Variants in GALNTL6 observed in about 807,000 individuals in gnomAD.
GALNTL6 encodes polypeptide N-acetylgalactosaminyltransferase like 6.
Under a neutral mutation model 73.7 loss-of-function variants are expected in GALNTL6, and 46 were observed. That is an observed-to-expected ratio of 0.62 (90% CI 0.49 to 0.80). GALNTL6 has a LOEUF of 0.80. GALNTL6 is among the 30% of genes least tolerant of loss of function. The pLI, the probability that GALNTL6 is intolerant of heterozygous loss-of-function variation, is 0.00. For missense variants in GALNTL6, 604 were observed against 755.0 expected, an observed-to-expected ratio of 0.80 and a Z score of 2.34; for synonymous variants, 259 against 263.7, an observed-to-expected ratio of 0.98 and a Z score of 0.17.
At chr4:172,895,561 C>T (rs1746281666) in intron 8 of GALNTL6, among the ~76,000 whole-genome samples, 1 of 151,718 alleles carries the variant, frequency 6.6e-6, no homozygotes, top group Non-Finnish European at 1.5e-5. Context: ...TGCCTTTTAC[C>T]TTTGTGAGTT....
At chr4:172,051,263 T>C (rs767072802) in intron 2 of GALNTL6, among the ~76,000 whole-genome samples, 4 of 152,066 alleles carry the variant, frequency 2.6e-5, no homozygotes, top group African/African-American at 4.8e-5. Flanking sequence ...TAGGGGTGGG[T>C]ACCTATGATT....
At chr4:172,088,991 C>T (rs190247886) in intron 2 of GALNTL6, among the ~76,000 whole-genome samples, 4 of 152,168 alleles carry the variant, frequency 2.6e-5, no homozygotes, top group East Asian at 1.9e-4. Context: ...AATCAAGTGG[C>T]GTGAGACCTG....
At chr4:172,012,660 G>T (rs1741052872) in intron 2 of GALNTL6, among the ~76,000 whole-genome samples, 1 of 152,032 alleles carries the variant, frequency 6.6e-6, no homozygotes, top group African/African-American at 2.4e-5. Flanking sequence ...GCATAGGCTG[G>T]TACAGGCCTT....
chr4:172,358,455 A>G (rs549418873), intron 5 of GALNTL6, among the ~76,000 whole-genome samples: 134 of 152,364 alleles, frequency 8.8e-4, no homozygotes, highest in African/African-American at 2.8e-3. Flanking sequence ...GCTGGCTTTG[A>G]ATATGACCCA....
intron 5 of GALNTL6, among the ~76,000 whole-genome samples, chr4:172,542,258 G>C (rs1347839551): frequency 1.1e-4 from 17 of 151,968 alleles, no homozygotes; most frequent in Non-Finnish European, 1.5e-5. Flanking sequence ...TAGCGCCCGG[G>C]GAAGGCTGGT....
chr4:172,255,597 C>G (rs1177435685), intron 3 of GALNTL6, among the ~76,000 whole-genome samples: 1 of 151,146 alleles, frequency 6.6e-6, no homozygotes. Context: ...GATCTTATTT[C>G]TACTCTCAAT....
chr4:173,035,384 C>T (rs1753653002), intron 12 of GALNTL6, among the ~76,000 whole-genome samples: 1 of 136,922 alleles, frequency 7.3e-6, no homozygotes, highest in Non-Finnish European at 1.6e-5. Context: ...CCCCATGTTG[C>T]TCAGGCTGGT....
rs548809091 is a variant in GALNTL6 at position 171,900,272 on chromosome 4, A to G, written c.138+85554A>G. Among the ~76,000 whole-genome samples, 35 of 152,236 alleles carry G rather than the reference A, an allele frequency of 2.3e-4. 1 individual carries two copies. Among genetic ancestry groups the G allele is most frequent in the Non-Finnish European group, 4.9e-4 (33 of 68,020 alleles). On this transcript the variant is annotated intron_variant, in intron 2 of 12. Transcript: ENST00000506823. ...TCACGCTAAAACTTTCACATATTTG[A>G]AATCATCCCACAAGTCTCATACTTA...
chr4:171,921,556 CAT>C (rs1257065421), intron 2 of GALNTL6, among the ~76,000 whole-genome samples: 7 of 152,036 alleles, frequency 4.6e-5, no homozygotes, highest in Non-Finnish European at 8.8e-5. Context: ...GTTAATGAAA[CAT>C]ATGAAAAGAT....
intron 5 of GALNTL6, among the ~76,000 whole-genome samples, chr4:172,737,841 T>A (rs1319609474): frequency 6.6e-6 from 1 of 152,206 alleles, no homozygotes; most frequent in African/African-American, 2.4e-5. Flanking sequence ...CCTAGGTTCA[T>A]CTCAGCTCTA....
chr4:172,588,851 G>A lies in GALNTL6; in HGVS notation c.554-220510G>A, dbSNP rs553024032. ...GATCCGCAGCTCTGGAAAACCACTG[G>A]ATCACTCTAGAAATAGCTCTAACCA... On this transcript the variant is annotated intron_variant, in intron 5 of 12. Transcript: ENST00000506823. Among the ~76,000 whole-genome samples the A allele has an allele frequency of 2.0e-5, 3 of 152,258 alleles. No individual in the cohort carries two copies. In the East Asian group the frequency reaches 5.8e-4, roughly 29 times the overall value.
chr4:172,779,625 A>G (rs1560947273), intron 5 of GALNTL6, among the ~76,000 whole-genome samples: 2 of 152,356 alleles, frequency 1.3e-5, no homozygotes, highest in Middle Eastern at 3.4e-3. Context: ...TCCATCACTG[A>G]AGAAAAGCAA....
chr4:172,916,762 G>A (rs955765730), intron 8 of GALNTL6, among the ~76,000 whole-genome samples: 1 of 145,272 alleles, frequency 6.9e-6, no homozygotes, highest in Non-Finnish European at 1.5e-5. Flanking sequence ...ACAAACAAAT[G>A]GAAGAACATT....
intron 7 of GALNTL6, among the ~76,000 whole-genome samples, chr4:172,840,174 G>T (rs904030972): frequency 3.0e-4 from 45 of 152,146 alleles, no homozygotes; most frequent in African/African-American, 9.4e-4. Flanking sequence ...AAATTCTAAA[G>T]ATATGAAAGT....
At chr4:172,347,988 A>G (rs1461540458) in intron 4 of GALNTL6, among the ~76,000 whole-genome samples, 1 of 152,154 alleles carries the variant, frequency 6.6e-6, no homozygotes, top group Non-Finnish European at 1.5e-5. Flanking sequence ...GGTTGTGCTC[A>G]GTTAACAGTT....
intron 5 of GALNTL6, among the ~76,000 whole-genome samples, chr4:172,500,121 T>C (rs72995074): frequency 0.041 from 6,298 of 152,226 alleles, 405 homozygotes; most frequent in African/African-American, 0.14. Flanking sequence ...CATATCATTG[T>C]TAAACTTCTG....
At chr4:172,538,592 A>T (rs186538074) in intron 5 of GALNTL6, among the ~76,000 whole-genome samples, 53 of 152,338 alleles carry the variant, frequency 3.5e-4, no homozygotes, top group African/African-American at 9.6e-4. Flanking sequence ...TGTAATTTAG[A>T]AATATCAGTG....
intron 5 of GALNTL6, among the ~76,000 whole-genome samples, chr4:172,610,220 C>T (rs935267201): frequency 1.3e-5 from 2 of 151,802 alleles, no homozygotes; most frequent in African/African-American, 4.8e-5. Flanking sequence ...TATTTCTTGT[C>T]TTCTGCTAGC....
At chr4:172,335,665 C>T (rs1741289992) in intron 4 of GALNTL6, among the ~76,000 whole-genome samples, 1 of 152,066 alleles carries the variant, frequency 6.6e-6, no homozygotes, top group South Asian at 2.1e-4. Flanking sequence ...CTTCCTGATT[C>T]AATCTGGGGA....
Sources: gnomAD v4.1 joint callset for allele counts (sites outside exome capture counted in the v4.1 genomes callset) on GRCh38, gnomAD v4.1.1 for gene constraint, MANE v1.5 for transcripts, NCBI Gene and HGNC (gene_info 2026-07-23, HGNC 2026-07-21) for gene names.